The following ABHD12 variants were observed in gnomAD, a reference collection of about 807,000 sequenced individuals.
ABHD12 encodes the protein abhydrolase domain containing 12, lysophospholipase.
A neutral mutation model predicts 58.3 loss-of-function variants in ABHD12; 43 were observed. The ratio of observed to expected loss-of-function variants is 0.74; its 90% confidence interval spans 0.58 to 0.95. The LOEUF is 0.95. Among genes scored for constraint, ABHD12 ranks in the 40% least tolerant of loss-of-function variants. ABHD12 has a pLI of 0.00. For synonymous variants in ABHD12, 219 were observed against 211.2 expected (o/e 1.04, Z -0.32); for missense variants, 539 against 537.2 (o/e 1.00, Z -0.03).
intron 1 of ABHD12, among the ~76,000 whole-genome samples, chr20:25,354,297 C>T (rs1397921287): frequency 2.0e-5 from 3 of 152,192 alleles, no homozygotes. Flanking sequence ...CGGCAGAAGA[C>T]GGACACAGGG....
intron 2 of ABHD12, among the ~76,000 whole-genome samples, chr20:25,326,813 G>T (rs1290445743): frequency 6.6e-6 from 1 of 152,028 alleles, no homozygotes; most frequent in Non-Finnish European, 1.5e-5. Context: ...AGTTTGGAAG[G>T]ACTAAATCTT....
chr20:25,351,847 G>A (rs868739439), intron 1 of ABHD12, among the ~76,000 whole-genome samples: 1 of 152,236 alleles, frequency 6.6e-6, no homozygotes, highest in South Asian at 2.1e-4. Flanking sequence ...GTTGAGGTGA[G>A]CTGAGATTGC....
rs913248902 is a variant in ABHD12 at position 25,388,157 on chromosome 20, G to T, written c.191+2356C>A. Among the ~76,000 whole-genome samples, 3 of 147,286 alleles carry T rather than the reference G, an allele frequency of 2.0e-5. No homozygotes were observed. The East Asian group carries it at 6.0e-4, about 29-fold the overall frequency. On this transcript the variant is annotated intron_variant, in intron 1 of 12. Transcript: ENST00000339157. ...TTTAAGTGATGGACACATGAAGAAGGCTCATTAGATTGTCTTCTCTACTTC... is the reference window on the plus strand; with the variant it reads ...TTTAAGTGATGGACACATGAAGAAGTCTCATTAGATTGTCTTCTCTACTTC...
chr20:25,331,391 A>G (rs973938013), intron 2 of ABHD12, among the ~76,000 whole-genome samples: 2 of 152,196 alleles, frequency 1.3e-5, no homozygotes, highest in Non-Finnish European at 2.9e-5. Context: ...GCAGGATATT[A>G]CCCAGGAGAA....
chr20:25,341,099 G>A (rs2089448254), intron 1 of ABHD12, among the ~76,000 whole-genome samples: 1 of 152,220 alleles, frequency 6.6e-6, no homozygotes, highest in Admixed American at 6.5e-5. Context: ...TCATTTTCCT[G>A]GTTCATTCAG....
intron 1 of ABHD12, among the ~76,000 whole-genome samples, chr20:25,354,361 T>G (rs948850821): frequency 3.3e-5 from 5 of 151,648 alleles, no homozygotes; most frequent in Admixed American, 6.6e-5. Flanking sequence ...TGGGGAGAAC[T>G]GGGGGGCAGG....
rs565367954 is a variant in ABHD12 at position 25,359,423 on chromosome 20, C to CAAAAAAAA, written c.192-20080_192-20073dup. 3.2e-3 allele frequency among the ~76,000 whole-genome samples: 202 copies of CAAAAAAAA among 63,042 alleles called. 4 individuals are homozygous for CAAAAAAAA. Among genetic ancestry groups the CAAAAAAAA allele is most frequent in the Middle Eastern group, 8.8e-3 (1 of 114 alleles). The allele number at this position is 63,042 out of a possible 152,430, so 41.4% of individuals were successfully genotyped here. On this transcript the variant is annotated intron_variant, in intron 1 of 12. Coordinates refer to ENST00000339157, the MANE Select transcript of ABHD12 (RefSeq NM_001042472.3). ...TGGGCCACAGAGCGAGACTCCGTCT[C>CAAAAAAAA]AAAAAAAAAAAAAAAAAAAAAACAT...
At chr20:25,351,010 C>A (rs1600838840) in intron 1 of ABHD12, among the ~76,000 whole-genome samples, 1 of 137,970 alleles carries the variant, frequency 7.2e-6, no homozygotes, top group East Asian at 2.1e-4. Context: ...CACACACACA[C>A]CCTTATTAAG....
At chr20:25,339,962 T>C (rs1293352259) in intron 1 of ABHD12, among the ~76,000 whole-genome samples, 1 of 152,086 alleles carries the variant, frequency 6.6e-6, no homozygotes, top group African/African-American at 2.4e-5. Flanking sequence ...CAGCCCAGGG[T>C]CTCATGACCC....
rs780963364 is a variant in ABHD12 at position 25,300,763 on chromosome 20, G to A, written c.*82C>T. On this transcript the variant is annotated 3_prime_UTR_variant, in exon 13 of 13. Coordinates refer to ENST00000339157, the MANE Select transcript of ABHD12 (RefSeq NM_001042472.3). ...TGAGCATTGCAGGTGCCGGCCCCCC[G>A]GGGCTTCAGGATACCGGGCTGCTGA... 21 of 1,610,466 alleles carry A rather than the reference G, an allele frequency of 1.3e-5. No homozygotes were observed. The highest frequency in any genetic ancestry group is 1.5e-5 in the Non-Finnish European group (18 of 1,178,774).
intron 2 of ABHD12, among the ~76,000 whole-genome samples, chr20:25,335,897 T>C (rs2089359398): frequency 6.6e-6 from 1 of 151,030 alleles, no homozygotes; most frequent in Non-Finnish European, 1.5e-5. Context: ...GCATGGCACA[T>C]GTATACATAT....
chr20:25,315,013 A>T (rs767233046), intron 5 of ABHD12, 43 bp from the exon 6 acceptor site: 1 of 1,609,286 alleles, frequency 6.2e-7, no homozygotes, highest in East Asian at 2.2e-5. Flanking sequence ...AAATCCAAGC[A>T]TCTGTATTGA....
intron 1 of ABHD12, among the ~76,000 whole-genome samples, chr20:25,342,051 G>A (rs1012087755): frequency 3.0e-4 from 39 of 129,570 alleles, no homozygotes; most frequent in African/African-American, 1.1e-3. Context: ...AGAAAGACTT[G>A]TTCAAAAATG....
downstream of ABHD12, chr20:25,296,968 G>A (rs1418870729): frequency 5.8e-6 from 1 of 172,170 alleles, no homozygotes; most frequent in Non-Finnish European, 1.3e-5. Flanking sequence ...CAGCCACAGG[G>A]AAGGGCCAAG....
chr20:25,361,240 A>C (rs1273199359), intron 1 of ABHD12, among the ~76,000 whole-genome samples: 1 of 152,228 alleles, frequency 6.6e-6, no homozygotes, highest in African/African-American at 2.4e-5. Flanking sequence ...GCTGAGTCTG[A>C]CCAATCCCAG....
At chr20:25,310,856 A>G (rs567621956) in intron 6 of ABHD12, among the ~76,000 whole-genome samples, 1 of 152,342 alleles carries the variant, frequency 6.6e-6, no homozygotes, top group South Asian at 2.1e-4. Context: ...CTTGGTGCCA[A>G]TTAGAAACGT....
intron 2 of ABHD12, among the ~76,000 whole-genome samples, chr20:25,333,527 T>C (rs1209103042): frequency 1.3e-5 from 2 of 150,244 alleles, no homozygotes; most frequent in Non-Finnish European, 3.0e-5. Context: ...TAGACCAATA[T>C]CCTTGATGAA....
chr20:25,309,361 G>A (rs2088806871), intron 7 of ABHD12, 85 bp downstream of exon 7: 1 of 1,596,146 alleles, frequency 6.3e-7, no homozygotes, highest in Non-Finnish European at 8.6e-7. Context: ...GGTTTGCAGG[G>A]ATGGTGGACT....
At chr20:25,304,923 T>C (rs2088707392) in intron 10 of ABHD12, among the ~76,000 whole-genome samples, 1 of 151,896 alleles carries the variant, frequency 6.6e-6, no homozygotes, top group Non-Finnish European at 1.5e-5. Flanking sequence ...TTTTTTCTTT[T>C]CTTTGTTGCC....
Sources: allele counts gnomAD v4.1 joint callset (sites outside exome capture counted in the v4.1 genomes callset), GRCh38; gene constraint gnomAD v4.1.1; transcripts MANE v1.5; gene names NCBI Gene and HGNC (gene_info 2026-07-23, HGNC 2026-07-21).